Variants in TP73 observed in about 807,000 individuals in gnomAD.
TP73 encodes p53-like transcription factor.
Under a neutral mutation model 62.5 loss-of-function variants are expected in TP73, and 25 were observed. The observed-to-expected ratio is 0.40, with a 90% CI of 0.29 to 0.56. TP73 has a LOEUF of 0.56. Ranked by LOEUF, TP73 falls within the 20% of genes least tolerant of loss-of-function variation. The pLI is 0.46. For missense variants in TP73, 754 were observed against 913.3 expected (o/e 0.83, Z 2.25); for synonymous variants, 423 against 377.5 (o/e 1.12, Z -1.40).
chr1:3,704,009 G>A (rs1639425159), intron 3 of TP73, among the ~76,000 whole-genome samples: 1 of 152,212 alleles, frequency 6.6e-6, no homozygotes, highest in Non-Finnish European at 1.5e-5. Context: ...CCCGGTGATG[G>A]GAGGGGCCGG....
intron 1 of TP73, among the ~76,000 whole-genome samples, chr1:3,658,305 G>A (rs1040168728): frequency 1.3e-5 from 2 of 152,238 alleles, no homozygotes; most frequent in South Asian, 2.1e-4. Context: ...TCCCTACGGG[G>A]TTCTTGTCAA....
intron 13 of TP73, among the ~76,000 whole-genome samples, chr1:3,732,387 G>A (rs549897013): frequency 1.3e-5 from 2 of 152,344 alleles, no homozygotes; most frequent in South Asian, 4.1e-4. Context: ...TGAGTGATGT[G>A]TGTGCTTGGT....
rs1235831848 is a variant in TP73 at position 3,733,005 on chromosome 1, G to A, written c.1837G>A (p.Gly613Ser). ...CGGCCCTGACGAGTGGGCGGACTTCGGCTTCGACCTGCCCGACTGCAAGGC... is the reference window on the plus strand; with the variant it reads ...CGGCCCTGACGAGTGGGCGGACTTCAGCTTCGACCTGCCCGACTGCAAGGC... Reference protein sequence around the residue: ...GGGPDEWADFGFDLPDCKARK... With the variant: ...GGGPDEWADFSFDLPDCKARK... The change falls in exon 14 of 14, where the codon GGC becomes AGC. Residue 613 changes from glycine (G) to serine (S), a missense_variant. By Grantham distance (56) the Gly-to-Ser change is moderately conservative. Around this residue, in one of 3 missense-constraint regions of TP73, gnomAD observed 458 missense variants for 528.7 expected, o/e 0.87. Coordinates refer to ENST00000378295, the MANE Select transcript of TP73 (RefSeq NM_005427.4). 9 of 1,569,944 alleles carry A rather than the reference G, an allele frequency of 5.7e-6. No homozygotes were observed. Among genetic ancestry groups the A allele is most frequent in the East Asian group, 2.4e-5 (1 of 42,314 alleles).
At position 3,697,183 on chromosome 1, in the gene TP73, C is replaced by T. The variant is rs967891385; in HGVS notation, c.187-10366C>T. Among the ~76,000 whole-genome samples, 15 of 109,014 alleles carry T rather than the reference C, an allele frequency of 1.4e-4. No homozygotes were observed. The Admixed American group carries it at 1.4e-3, about 10-fold the overall frequency. The allele number at this position is 109,014 out of a possible 152,430, so 71.5% of individuals were successfully genotyped here. On this transcript the variant is annotated intron_variant, in intron 3 of 13. Coordinates refer to ENST00000378295, the MANE Select transcript of TP73 (RefSeq NM_005427.4). ...TCGCACCCGCGGCCCACGTCGCACC[C>T]GCGGCCCACCTCGCACCCACTGCTC...
chr1:3,704,333 C>T (rs1639453395), intron 3 of TP73, among the ~76,000 whole-genome samples: 1 of 152,138 alleles, frequency 6.6e-6, no homozygotes, highest in African/African-American at 2.4e-5. Context: ...TTCCGTGGTC[C>T]TGAGCCCTTG....
Position 3,730,053 on chromosome 1 carries a change from T to C in TP73, c.1250T>C (p.Val417Ala), listed in dbSNP as rs1484844561. Reference sequence around the variant, plus strand: ...CCGGTCCTCTCGCCCATGAACAAGGTGCACGGGGGCATGAACAAGCTGCCC... The same window carrying C: ...CCGGTCCTCTCGCCCATGAACAAGGCGCACGGGGGCATGAACAAGCTGCCC... ...YGPVLSPMNKVHGGMNKLPSV... is the reference protein window; with the variant it reads ...YGPVLSPMNKAHGGMNKLPSV... The change falls in exon 11 of 14, where the codon GTG becomes GCG. Residue 417 changes from valine to alanine, a missense_variant. Coordinates refer to ENST00000378295, the MANE Select transcript of TP73 (RefSeq NM_005427.4). The C allele has an allele frequency of 2.5e-6, 4 of 1,608,892 alleles. No homozygotes were observed. In the East Asian group the frequency reaches 8.9e-5, roughly 36 times the overall value.
chr1:3,698,352 G>A (rs962762551), intron 3 of TP73, among the ~76,000 whole-genome samples: 2 of 152,222 alleles, frequency 1.3e-5, no homozygotes, highest in African/African-American at 4.8e-5. Flanking sequence ...CCGTTTCCAG[G>A]TGGTTAAATA....
chr1:3,696,000 C>A (rs1258275384), intron 3 of TP73, among the ~76,000 whole-genome samples: 2 of 152,206 alleles, frequency 1.3e-5, no homozygotes, highest in African/African-American at 4.8e-5. Context: ...GGTGAAAACG[C>A]CGCGGTCGGC....
intron 1 of TP73, among the ~76,000 whole-genome samples, chr1:3,653,461 T>C (rs974463368): frequency 3.3e-5 from 5 of 152,238 alleles, no homozygotes; most frequent in African/African-American, 1.2e-4. Flanking sequence ...TAAGCCCATG[T>C]AGTATGCACA....
At chr1:3,698,218 C>T (rs940208607) in intron 3 of TP73, 24 of 774,344 alleles carry the variant, frequency 3.1e-5, no homozygotes, top group Middle Eastern at 6.4e-4. Context: ...AGGGCTGACA[C>T]CTGGGTTGGG....
At chr1:3,660,004 G>A (rs1369858789) in intron 1 of TP73, among the ~76,000 whole-genome samples, 1 of 152,190 alleles carries the variant, frequency 6.6e-6, no homozygotes, top group African/African-American at 2.4e-5. Flanking sequence ...TGTTTGTAAA[G>A]TAAGTCTAGC....
intron 3 of TP73, among the ~76,000 whole-genome samples, chr1:3,698,435 A>C (rs1385167913): frequency 6.6e-6 from 1 of 152,158 alleles, no homozygotes; most frequent in Non-Finnish European, 1.5e-5. Flanking sequence ...TACAGCCTGG[A>C]TACCCCACTG....
At chr1:3,671,029 G>A (rs973836590) in intron 1 of TP73, among the ~76,000 whole-genome samples, 2 of 152,184 alleles carry the variant, frequency 1.3e-5, no homozygotes, top group Non-Finnish European at 2.9e-5. Flanking sequence ...GGGGGTGCGC[G>A]GGCCCTGAGG....
Position 3,730,072 on chromosome 1 carries a change from G to T in TP73, c.1269G>T (p.Lys423Asn). The T allele has an allele frequency of 1.9e-6, 3 of 1,602,780 alleles. No individual in the cohort carries two copies. The highest frequency in any genetic ancestry group is 2.6e-6 in the Non-Finnish European group (3 of 1,175,422). The part of the protein sequence containing the change: ...PMNKVHGGMN[K>N]LPSVNQLVGQ... ...ACAAGGTGCACGGGGGCATGAACAA[G>T]CTGCCCTCCGTCAACCAGCTGGTGG... Residue 423 changes from lysine to asparagine, a missense_variant, in exon 11 of 14, where the codon AAG (lysine) becomes AAT (asparagine). Physicochemically the swap from Lys to Asn is moderately conservative, Grantham distance 94. Transcript: ENST00000378295.
intron 3 of TP73, among the ~76,000 whole-genome samples, chr1:3,684,760 C>T (rs1246470613): frequency 1.3e-5 from 2 of 152,076 alleles, no homozygotes; most frequent in Non-Finnish European, 2.9e-5. Flanking sequence ...CCCTGCCCTC[C>T]CACCCCTGCT....
At chr1:3,653,302 A>G (rs1436540364) in intron 1 of TP73, among the ~76,000 whole-genome samples, 2 of 152,174 alleles carry the variant, frequency 1.3e-5, no homozygotes, top group Admixed American at 6.5e-5. Context: ...CCGTGAAGAA[A>G]TGGCCCGGGC....
intron 1 of TP73, among the ~76,000 whole-genome samples, chr1:3,674,998 C>A (rs1255311249): frequency 6.6e-6 from 1 of 151,804 alleles, no homozygotes; most frequent in Non-Finnish European, 1.5e-5. Flanking sequence ...CGGTCTCCTC[C>A]CACAATGGCC....
intron 6 of TP73, 51 bp downstream of exon 6, chr1:3,723,520 T>A: frequency 1.0e-5 from 6 of 588,148 alleles, no homozygotes; most frequent in Non-Finnish European, 1.5e-5. Context: ...GCTGTACGGG[T>A]CGGGGGAGGG....
At position 3,727,329 on chromosome 1, in the gene TP73, GA is replaced by G. The variant is rs1349199621; in HGVS notation, c.842+107del. ...ACCTGCAGGCCAAGGCTAGCTTGGG[GA>G]AGAGACTTTGGGGTGTGCTGCTGGA... On this transcript the variant is annotated intron_variant, in intron 7 of 13. Transcript: ENST00000378295. The G allele has an allele frequency of 1.2e-5, 14 of 1,201,262 alleles. No homozygotes were observed. In the Admixed American group the frequency reaches 1.8e-4, roughly 15 times the overall value. The allele number at this position is 1,201,262 out of a possible 1,614,324, so 74.4% of individuals were successfully genotyped here.
Sources: allele counts gnomAD v4.1 joint callset (sites outside exome capture counted in the v4.1 genomes callset), GRCh38; gene constraint gnomAD v4.1.1; regional missense constraint gnomAD v4.1.1; transcripts MANE v1.5; gene names NCBI Gene and HGNC (gene_info 2026-07-23, HGNC 2026-07-21).